Variants in RPS6KC1 observed in about 807,000 individuals in gnomAD.
The protein encoded by RPS6KC1 is inactive ribosomal protein S6 kinase delta-1.
A neutral mutation model predicts 103.8 loss-of-function variants in RPS6KC1; 54 were observed. That is an observed-to-expected ratio of 0.52 (90% CI 0.42 to 0.65). The LOEUF (loss-of-function observed/expected upper bound fraction) is 0.65, where lower values mean the gene tolerates loss of function less well. Among genes scored for constraint, RPS6KC1 ranks in the 30% least tolerant of loss-of-function variants. RPS6KC1 has a pLI of 0.00. For synonymous variants in RPS6KC1, 439 were observed against 438.7 expected (o/e 1.00, Z -0.01); for missense variants, 1,151 against 1,253.8 (o/e 0.92, Z 1.24).
At chr1:213,451,111 C>T in the RPS6KC1 span, among the ~76,000 whole-genome samples, 1 of 152,208 alleles carries the variant, frequency 6.6e-6, no homozygotes, top group Non-Finnish European at 1.5e-5. Context: ...TCTAACCCCC[C>T]ATTCTGATTC....
chr1:213,619,973 T>G, the RPS6KC1 span, among the ~76,000 whole-genome samples: 4 of 152,172 alleles, frequency 2.6e-5, no homozygotes, highest in African/African-American at 7.2e-5. Flanking sequence ...TTAGATGTAG[T>G]TTCCAATTTT....
At chr1:213,151,984 A>T in intron 6 of RPS6KC1, among the ~76,000 whole-genome samples, 1 of 95,058 alleles carries the variant, frequency 1.1e-5, no homozygotes, top group African/African-American at 4.4e-5. Flanking sequence ...GGGGCTCCTC[A>T]CTTCCCAGTA....
At chr1:213,642,679 T>C in the RPS6KC1 span, among the ~76,000 whole-genome samples, 1 of 152,086 alleles carries the variant, frequency 6.6e-6, no homozygotes, top group East Asian at 1.9e-4. Flanking sequence ...TGTACTTTAT[T>C]GTAATGAAGA....
the RPS6KC1 span, among the ~76,000 whole-genome samples, chr1:213,353,010 A>AG: frequency 6.6e-6 from 1 of 152,226 alleles, no homozygotes; most frequent in African/African-American, 2.4e-5. Flanking sequence ...GTGAGAGGGG[A>AG]GGGCTCTCCT....
In RPS6KC1 at chr1:213,266,755, TAGTC is replaced by T. The variant is rs570685504; in HGVS notation, c.3090+3940_3090+3943del. Among the ~76,000 whole-genome samples, 395 of 151,848 alleles carry T rather than the reference TAGTC, an allele frequency of 2.6e-3. 2 individuals are homozygous for T. The highest frequency in any genetic ancestry group is 8.8e-3 in the African/African-American group (363 of 41,394). ...CTGTCTCTACTAAAAATACAAAAATTAGTCGGTCGTGGTGGTGGGTGCCTGTAGT... is the reference window on the plus strand; with the variant it reads ...CTGTCTCTACTAAAAATACAAAAATTGGTCGTGGTGGTGGGTGCCTGTAGT... On this transcript the variant is annotated intron_variant, in intron 14 of 14. Transcript: ENST00000366960.
chr1:213,730,400 A>T, the RPS6KC1 span, among the ~76,000 whole-genome samples: 1 of 152,226 alleles, frequency 6.6e-6, no homozygotes, highest in East Asian at 1.9e-4. Flanking sequence ...CAGTGTATAG[A>T]TGTTCCTTTT....
rs190461355 is a variant in RPS6KC1 at position 213,087,473 on chromosome 1, C to T, written c.262+9657C>T. Among the ~76,000 whole-genome samples the T allele has an allele frequency of 2.0e-5, 3 of 152,282 alleles. No individual in the cohort carries two copies. In the East Asian group the frequency reaches 5.8e-4, roughly 29 times the overall value. On this transcript the variant is annotated intron_variant, in intron 3 of 14. Coordinates refer to ENST00000366960, the MANE Select transcript of RPS6KC1 (RefSeq NM_012424.6). ...TTATCCCTTTATTGCTTCTTAGCTT[C>T]AAATCTCTTTCTTCATTTCCTCCTT...
chr1:213,368,657 G>A, the RPS6KC1 span, among the ~76,000 whole-genome samples: 1 of 152,302 alleles, frequency 6.6e-6, no homozygotes, highest in South Asian at 2.1e-4. Flanking sequence ...GACTGAAGCT[G>A]TAGCTTTAGG....
intron 3 of RPS6KC1, among the ~76,000 whole-genome samples, chr1:213,095,239 A>G (rs2081339082): frequency 6.6e-6 from 1 of 152,242 alleles, no homozygotes. Flanking sequence ...AATTTAATCC[A>G]GAGAATCTTG....
At chr1:213,278,944 A>T (rs1279608151), downstream of RPS6KC1, among the ~76,000 whole-genome samples, 2 of 151,644 alleles carry the variant, frequency 1.3e-5, no homozygotes, top group Non-Finnish European at 2.9e-5. Flanking sequence ...GGACAAAAAG[A>T]CTGTTGTGTA....
In RPS6KC1 at chr1:213,227,302, CTT is replaced by C. The variant is rs535560579; in HGVS notation, c.1045-3192_1045-3191del. Among the ~76,000 whole-genome samples, 627 of 152,306 alleles carry C rather than the reference CTT, an allele frequency of 4.1e-3. 8 individuals carry two copies. Among genetic ancestry groups the C allele is most frequent in the South Asian group, 0.037 (180 of 4,826 alleles). ...CCCATGTCGTCATCTACCTTACAAA[CTT>C]TTAGAGTTGAATTCACTAACCGTAT... is the stretch of plus-strand genomic sequence containing the variant. On this transcript the variant is annotated intron_variant, in intron 8 of 14. Coordinates refer to ENST00000366960, the MANE Select transcript of RPS6KC1 (RefSeq NM_012424.6).
chr1:213,625,377 T>C, the RPS6KC1 span, among the ~76,000 whole-genome samples: 3 of 152,174 alleles, frequency 2.0e-5, no homozygotes, highest in East Asian at 5.8e-4. Flanking sequence ...ACATGCAGTA[T>C]GGAAAGATTT....
chr1:213,596,145 C>A, the RPS6KC1 span, among the ~76,000 whole-genome samples: 42 of 151,826 alleles, frequency 2.8e-4, no homozygotes, highest in African/African-American at 9.7e-4. Flanking sequence ...AGGAGGAAGG[C>A]AGTATCACAA....
rs1416444019 is a variant in RPS6KC1, at chr1:213,077,544, ATTAG to A, written c.142-148_142-145del. On this transcript the variant is annotated intron_variant, in intron 2 of 14. Coordinates refer to ENST00000366960, the MANE Select transcript of RPS6KC1 (RefSeq NM_012424.6). ...GCCTTATATTTTTAAAGCAAATATT[ATTAG>A]TTAATTTCAGTCAGTTAATCATATT... is the stretch of plus-strand genomic sequence containing the variant. 20 of 399,014 alleles carry A rather than the reference ATTAG, an allele frequency of 5.0e-5. No individual in the cohort carries two copies. The Admixed American group carries it at 7.1e-4, about 14-fold the overall frequency. The allele number at this position is 399,014 out of a possible 1,614,324, so 24.7% of individuals were successfully genotyped here. A position where few individuals can be genotyped will look rare whatever the true frequency, so the allele number is the denominator to read the frequency against.
intron 8 of RPS6KC1, among the ~76,000 whole-genome samples, chr1:213,218,391 A>G (rs994556664): frequency 5.3e-5 from 8 of 152,134 alleles, no homozygotes; most frequent in Non-Finnish European, 1.0e-4. Context: ...AAATGGAAGA[A>G]CATTCCATGC....
the RPS6KC1 span, among the ~76,000 whole-genome samples, chr1:213,409,611 A>G: frequency 6.6e-6 from 1 of 152,176 alleles, no homozygotes; most frequent in African/African-American, 2.4e-5. Flanking sequence ...AAAATAGTTG[A>G]ACTGAAAGTT....
At chr1:213,590,481 A>G in the RPS6KC1 span, among the ~76,000 whole-genome samples, 1 of 152,190 alleles carries the variant, frequency 6.6e-6, no homozygotes, top group Admixed American at 6.5e-5. Context: ...CCAGTAGAAG[A>G]GACGGGACAG....
chr1:213,185,762 C>T (rs1018582223), intron 8 of RPS6KC1, among the ~76,000 whole-genome samples: 13 of 150,030 alleles, frequency 8.7e-5, no homozygotes, highest in African/African-American at 2.7e-4. Context: ...GTTATTTTGA[C>T]ACTCCTGTCT....
downstream of RPS6KC1, among the ~76,000 whole-genome samples, chr1:213,277,629 A>G (rs1184104006): frequency 6.6e-6 from 1 of 152,232 alleles, no homozygotes; most frequent in African/African-American, 2.4e-5. Flanking sequence ...GAGATGGCCA[A>G]CCTGCCTTTT....
Sources: allele counts gnomAD v4.1 joint callset (sites outside exome capture counted in the v4.1 genomes callset), GRCh38; gene constraint gnomAD v4.1.1; transcripts MANE v1.5; gene names NCBI Gene and HGNC (gene_info 2026-07-23, HGNC 2026-07-21).